The following TICAM1 variants were observed in gnomAD, a reference collection of about 807,000 sequenced individuals.
TICAM1 encodes the protein TIR domain containing adaptor molecule 1.
For missense variants in TICAM1, 895 were observed against 938.2 expected, an observed-to-expected ratio of 0.95 and a Z score of 0.60; for synonymous variants, 439 against 415.4, an observed-to-expected ratio of 1.06 and a Z score of -0.69.
chr19:4,816,442 G>C lies in TICAM1; in HGVS notation c.1936C>G (p.Pro646Ala), dbSNP rs1265265917. The C allele has an allele frequency of 6.4e-7, 1 of 1,557,816 alleles. No individual in the cohort carries two copies. The highest frequency in any genetic ancestry group is 1.9e-5 in the Admixed American group (1 of 52,246). Residue 646 changes from proline to alanine, a missense_variant, in exon 2 of 2, where the codon CCA (proline) becomes GCA (alanine). Transcript: ENST00000248244. The surrounding 1 kb of genome is among the most constrained non-coding windows in gnomAD (Gnocchi z 4.3). ...GACTGTGGAAAGGCTGCTGGCTGTG[G>C]GGAGGGCGGTGGGGGGGTGCCAGCC... ...WQAGTPPPPS[P>A]QPAAFPQSLP... is the part of the protein sequence containing the mutation.
chr19:4,826,778 G>C (rs1377294459), intron 1 of TICAM1, among the ~76,000 whole-genome samples: 1 of 152,112 alleles, frequency 6.6e-6, no homozygotes, highest in Non-Finnish European at 1.5e-5. Context: ...AAGGGATACA[G>C]CTGGATTGGA....
In TICAM1 at chr19:4,818,132, G is replaced by A. The variant is rs1185766082; in HGVS notation, c.246C>T (p.Ser82=). 1 of 1,609,118 alleles carries A rather than the reference G, an allele frequency of 6.2e-7. No individual in the cohort carries two copies. ...LVARQWAGVD[S]TEDPEEPPDV... ...CTGGGGGCTCCTCTGGGTCCTCGGTGCTGTCCACGCCAGCCCACTGGCGGG... is the reference window on the plus strand; with the variant it reads ...CTGGGGGCTCCTCTGGGTCCTCGGTACTGTCCACGCCAGCCCACTGGCGGG... Residue 82 remains serine (S), a synonymous_variant, in exon 2 of 2, where the codon AGC becomes AGT. Coordinates refer to ENST00000248244, the MANE Select transcript of TICAM1 (RefSeq NM_182919.4). This position sits in a 1 kb window ranked among gnomAD's most constrained non-coding sequence, Gnocchi z 4.0.
chr19:4,821,600 C>G (rs4807650), intron 1 of TICAM1, among the ~76,000 whole-genome samples: 1 of 151,214 alleles, frequency 6.6e-6, no homozygotes, highest in Non-Finnish European at 1.5e-5. Context: ...CTGATCCCAC[C>G]GTGCAGATCT....
chr19:4,819,172 G>T (rs969138512), intron 1 of TICAM1, among the ~76,000 whole-genome samples: 25 of 151,576 alleles, frequency 1.6e-4, no homozygotes, highest in African/African-American at 5.8e-4. Flanking sequence ...TACTCCGGAG[G>T]CTGAGATGGG....
Position 4,817,337 on chromosome 19 carries a change from C to T in TICAM1, c.1041G>A (p.Lys347=). ...SVEDTTSPNT[K]PCPPTPTTPE... ...GGGTGGTGGGAGTAGGTGGGCACGG[C>T]TTGGTATTTGGAGAGGTGGTATCTT... The change falls in exon 2 of 2, where the codon AAG becomes AAA. Residue 347 remains lysine, a synonymous_variant. Transcript: ENST00000248244. This position sits in a 1 kb window ranked among gnomAD's most constrained non-coding sequence, Gnocchi z 4.7. 1 of 1,613,780 alleles carries T rather than the reference C, an allele frequency of 6.2e-7. No individual in the cohort carries two copies. Among genetic ancestry groups the T allele is most frequent in the Non-Finnish European group, 8.5e-7 (1 of 1,179,998 alleles).
intron 1 of TICAM1, among the ~76,000 whole-genome samples, chr19:4,828,383 C>T (rs1456857176): frequency 6.6e-5 from 10 of 151,564 alleles, no homozygotes; most frequent in Admixed American, 6.6e-5. Flanking sequence ...ACTACAGGCA[C>T]ATGCCACCAT....
In TICAM1 at chr19:4,816,704, A is replaced by G. The variant is rs2093586082; in HGVS notation, c.1674T>C (p.Gly558=). 3 of 1,614,058 alleles carry G rather than the reference A, an allele frequency of 1.9e-6. No homozygotes were observed. Among genetic ancestry groups the G allele is most frequent in the Non-Finnish European group, 2.5e-6 (3 of 1,180,026 alleles). Residue 558 remains glycine (G), a synonymous_variant, in exon 2 of 2, where the codon GGT becomes GGC. Coordinates refer to ENST00000248244, the MANE Select transcript of TICAM1 (RefSeq NM_182919.4). This position sits in a 1 kb window ranked among gnomAD's most constrained non-coding sequence, Gnocchi z 4.3. ...ALREQSQHLD[G]ERMQAAALNA... ...TCAGTGCCGCCGCCTGCATCCGCTC[A>G]CCGTCCAGGTGTTGGCTCTGTTCCC...
In TICAM1 at chr19:4,816,466, C is replaced by T; in HGVS notation, c.1912G>A (p.Ala638Thr). The T allele has an allele frequency of 6.4e-7, 1 of 1,555,560 alleles. No homozygotes were observed. The highest frequency in any genetic ancestry group is 8.7e-7 in the Non-Finnish European group (1 of 1,152,608). Residue 638 changes from alanine to threonine, a missense_variant, in exon 2 of 2, where the codon GCT (alanine) becomes ACT (threonine). Ala to Thr is a moderately conservative substitution (Grantham distance 58). Transcript: ENST00000248244. This position sits in a 1 kb window ranked among gnomAD's most constrained non-coding sequence, Gnocchi z 4.3. The part of the protein sequence containing the change: ...PQPPPLHAWQ[A>T]GTPPPPSPQP... ...GGGGAGGGCGGTGGGGGGGTGCCAGCCTGCCATGCGTGCAGGGGTGGCGGC... is the reference window on the plus strand; with the variant it reads ...GGGGAGGGCGGTGGGGGGGTGCCAGTCTGCCATGCGTGCAGGGGTGGCGGC...
intron 1 of TICAM1, among the ~76,000 whole-genome samples, chr19:4,831,314 T>C (rs1599149679): frequency 1.4e-5 from 1 of 70,774 alleles, no homozygotes; most frequent in Non-Finnish European, 2.7e-5. Context: ...GGGAGGAATC[T>C]GGGGTGTCCG....
Position 4,816,271 on chromosome 19 carries a change from C to T in TICAM1, c.2107G>A (p.Ala703Thr), listed in dbSNP as rs200326236. The change falls in exon 2 of 2, where the codon GCG (alanine) becomes ACG (threonine). Residue 703 changes from alanine to threonine, a missense_variant. Transcript: ENST00000248244. The surrounding 1 kb of genome is among the most constrained non-coding windows in gnomAD (Gnocchi z 4.3). ...GCCTCCTGCGTCTTGTCCTCGGGCG[C>T]CTGGGACCCTCTCTGGTTCCACATG... Reference protein sequence around the residue: ...NHMWNQRGSQAPEDKTQEAE With the variant: ...NHMWNQRGSQTPEDKTQEAE 275 of 1,514,692 alleles carry T rather than the reference C, an allele frequency of 1.8e-4. No individual in the cohort carries two copies. The highest frequency in any genetic ancestry group is 2.4e-4 in the Non-Finnish European group (271 of 1,132,724). The allele number at this position is 1,514,692 out of a possible 1,614,324, so 93.8% of individuals were successfully genotyped here. A position where few individuals can be genotyped will look rare whatever the true frequency, so the allele number is the denominator to read the frequency against.
chr19:4,817,804 A>T lies in TICAM1; in HGVS notation c.574T>A (p.Cys192Ser). 6.3e-7 allele frequency: 1 copy of T among 1,598,690 alleles called. No homozygotes were observed. The highest frequency in any genetic ancestry group is 2.2e-5 in the East Asian group (1 of 44,780). The change falls in exon 2 of 2, where the codon TGC becomes AGC. Residue 192 changes from cysteine to serine, a missense_variant. Cys to Ser is a moderately radical substitution (Grantham distance 112). Transcript: ENST00000248244. This position sits in a 1 kb window ranked among gnomAD's most constrained non-coding sequence, Gnocchi z 4.7. ...GGGCTGCCAGTGGATCGCAGGGAGC[A>T]CCCTTGGCTCCAGTCCGAAACACCG... The part of the protein sequence containing the change: ...IDGVSDWSQG[C>S]SLRSTGSPAS...
At chr19:4,823,612 C>T (rs1428687432) in intron 1 of TICAM1, among the ~76,000 whole-genome samples, 2 of 152,032 alleles carry the variant, frequency 1.3e-5, no homozygotes, top group African/African-American at 4.8e-5. Context: ...GCACTCCAGC[C>T]TGGGTAACAG....
At chr19:4,821,995 G>T (rs1468581179) in intron 1 of TICAM1, among the ~76,000 whole-genome samples, 5 of 151,276 alleles carry the variant, frequency 3.3e-5, no homozygotes, top group Non-Finnish European at 5.9e-5. Context: ...GAGTACAATG[G>T]TGCAATCTCA....
intron 1 of TICAM1, among the ~76,000 whole-genome samples, chr19:4,829,928 A>C (rs2093611547): frequency 6.9e-6 from 1 of 144,446 alleles, no homozygotes; most frequent in South Asian, 2.1e-4. Flanking sequence ...CTCCTGCCTC[A>C]TCCTCCTGAG....
intron 1 of TICAM1, among the ~76,000 whole-genome samples, chr19:4,831,322 C>T (rs974291846): frequency 6.8e-6 from 1 of 147,404 alleles, no homozygotes; most frequent in African/African-American, 2.5e-5. Flanking sequence ...TCTGGGGTGT[C>T]CGGGAGGAAT....
intron 1 of TICAM1, among the ~76,000 whole-genome samples, chr19:4,820,803 G>A (rs1388706655): frequency 2.0e-5 from 3 of 152,080 alleles, no homozygotes; most frequent in Non-Finnish European, 4.4e-5. Flanking sequence ...AGAATCGCTT[G>A]AACCTGGGAG....
In TICAM1 at chr19:4,816,757, T is replaced by C. The variant is rs1460955056; in HGVS notation, c.1621A>G (p.Arg541Gly). The C allele has an allele frequency of 1.2e-6, 2 of 1,613,704 alleles. No individual in the cohort carries two copies. The highest frequency in any genetic ancestry group is 1.7e-6 in the Non-Finnish European group (2 of 1,180,008). Reference sequence around the variant, plus strand: ...AGGGCTCGGGTGTCCTGTTCCTTCCTCCACATGGCCTTTCGGGCCTGAAGC... The same window carrying C: ...AGGGCTCGGGTGTCCTGTTCCTTCCCCCACATGGCCTTTCGGGCCTGAAGC... The part of the protein sequence containing the change: ...HRLQARKAMW[R>G]KEQDTRALRE... Residue 541 changes from arginine (R) to glycine (G), a missense_variant, in exon 2 of 2, where the codon AGG (arginine) becomes GGG (glycine). Physicochemically the swap from Arg to Gly is moderately radical, Grantham distance 125. Coordinates refer to ENST00000248244, the MANE Select transcript of TICAM1 (RefSeq NM_182919.4). The surrounding 1 kb of genome is among the most constrained non-coding windows in gnomAD (Gnocchi z 4.3).
intron 1 of TICAM1, among the ~76,000 whole-genome samples, chr19:4,826,016 C>G (rs544088935): frequency 2.0e-5 from 3 of 151,344 alleles, no homozygotes; most frequent in African/African-American, 7.3e-5. Context: ...AAATAATTAG[C>G]TGGGTGTGGT....
chr19:4,831,210 TGAGA>T (rs954479816), intron 1 of TICAM1, among the ~76,000 whole-genome samples: 3 of 149,580 alleles, frequency 2.0e-5, no homozygotes, highest in Non-Finnish European at 4.4e-5. Flanking sequence ...TTCAGGGCGT[TGAGA>T]GAAATATGGG....
Sources: allele counts gnomAD v4.1 joint callset (sites outside exome capture counted in the v4.1 genomes callset), GRCh38; gene constraint gnomAD v4.1.1; non-coding constraint Gnocchi (gnomAD v3.1); transcripts MANE v1.5; gene names NCBI Gene and HGNC (gene_info 2026-07-23, HGNC 2026-07-21).